The following PML variants were observed in gnomAD, a reference collection of about 807,000 sequenced individuals.
PML encodes PML nuclear body scaffold, also known as protein PML.
PML carries 28 observed loss-of-function variants against 65.2 expected under a neutral mutation model. The observed-to-expected ratio is 0.43, with a 90% CI of 0.32 to 0.59. The LOEUF is 0.59. Ranked by LOEUF, PML falls within the 20% of genes least tolerant of loss-of-function variation. The pLI, the probability that PML is intolerant of heterozygous loss-of-function variation, is 0.08. For synonymous variants in PML, 500 were observed against 508.8 expected (o/e 0.98, Z 0.23); for missense variants, 1,021 against 1,203.4 (o/e 0.85, Z 2.24).
At chr15:74,020,069 C>G (rs2070765760) in intron 2 of PML, among the ~76,000 whole-genome samples, 1 of 152,218 alleles carries the variant, frequency 6.6e-6, no homozygotes. Context: ...GGGTTAAATG[C>G]ATTTGTAATT....
Position 74,023,060 on chromosome 15 carries a change from A to T in PML, c.835A>T (p.Ile279Phe). Reference protein sequence around the residue: ...GRARAETEELIRERVRQVVAH... With the variant: ...GRARAETEELFRERVRQVVAH... ...CGCGCGTGCCGAGACCGAGGAGCTG[A>T]TCCGCGAGCGCGTGCGCCAGGTGGT... The change falls in exon 3 of 9, where the codon ATC becomes TTC. Residue 279 changes from isoleucine to phenylalanine, a missense_variant. Coordinates refer to ENST00000268058, the MANE Select transcript of PML (RefSeq NM_033238.3). The T allele has an allele frequency of 1.0e-5, 16 of 1,603,436 alleles. No homozygotes were observed. Among genetic ancestry groups the T allele is most frequent in the Non-Finnish European group, 1.4e-5 (16 of 1,178,432 alleles).
At chr15:74,038,556 G>C (rs912820575) in intron 7 of PML, among the ~76,000 whole-genome samples, 2 of 151,938 alleles carry the variant, frequency 1.3e-5, no homozygotes, top group African/African-American at 4.8e-5. Flanking sequence ...CAACAAATTA[G>C]GTCCCCCCTA....
chr15:73,999,696 T>A (rs1257187025), intron 2 of PML, among the ~76,000 whole-genome samples: 3 of 152,208 alleles, frequency 2.0e-5, no homozygotes, highest in African/African-American at 7.2e-5. Flanking sequence ...GAAAAAAATG[T>A]ATGCATTTCT....
At chr15:74,008,546 G>A (rs1311084295) in intron 2 of PML, among the ~76,000 whole-genome samples, 1 of 152,030 alleles carries the variant, frequency 6.6e-6, no homozygotes, top group African/African-American at 2.4e-5. Flanking sequence ...AGACCATCCT[G>A]GCTAACATGG....
rs186797922 is a variant in PML at position 74,045,226 on chromosome 15, C to T, written c.*218C>T. ...GAGCACCCATCACCCTAGGTGTGCACCAGACTCCTATTAGCCCCTCCTTCC... is the reference window on the plus strand; with the variant it reads ...GAGCACCCATCACCCTAGGTGTGCATCAGACTCCTATTAGCCCCTCCTTCC... On this transcript the variant is annotated 3_prime_UTR_variant, in exon 9 of 9. Coordinates refer to ENST00000268058, the MANE Select transcript of PML (RefSeq NM_033238.3). 13 of 566,792 alleles carry T rather than the reference C, an allele frequency of 2.3e-5. No homozygotes were observed. Among genetic ancestry groups the T allele is most frequent in the African/African-American group, 1.9e-5 (1 of 53,514 alleles). 35.1% of individuals were successfully genotyped at this position (566,792 alleles called of 1,614,324 possible).
chr15:74,019,606 A>G (rs899813387), intron 2 of PML, among the ~76,000 whole-genome samples: 2 of 152,194 alleles, frequency 1.3e-5, no homozygotes, highest in Non-Finnish European at 2.9e-5. Flanking sequence ...ACAATCAACT[A>G]TGAAGATATT....
At position 74,008,460 on chromosome 15, in the gene PML, C is replaced by T. The variant is rs114415341; in HGVS notation, c.602+9984C>T. On this transcript the variant is annotated intron_variant, in intron 2 of 8. Transcript: ENST00000268058. ...TCTGTTGAAAACCCATTGATGGGGC[C>T]GGGCGTGGTGGCTCACGCCTGTAAT... Among the ~76,000 whole-genome samples the T allele has an allele frequency of 9.5e-3, 1,450 of 152,264 alleles. 25 individuals carry two copies. The highest frequency in any genetic ancestry group is 0.033 in the African/African-American group (1,355 of 41,554).
At chr15:74,008,644 C>T (rs1268748251) in intron 2 of PML, among the ~76,000 whole-genome samples, 2 of 150,782 alleles carry the variant, frequency 1.3e-5, no homozygotes, top group Admixed American at 6.7e-5. Flanking sequence ...GAGGCTGAGG[C>T]GGGAGAATGG....
rs778208918 is a variant in PML at position 74,032,481 on chromosome 15, G to C, written c.1255-91G>C. 9.1e-4 allele frequency: 1,274 copies of C among 1,396,920 alleles called. 2 individuals carry two copies. The highest frequency in any genetic ancestry group is 3.5e-3 in the Middle Eastern group (17 of 4,790). 86.5% of individuals were successfully genotyped at this position (1,396,920 alleles called of 1,614,324 possible). A position where few individuals can be genotyped will look rare whatever the true frequency, so the allele number is the denominator to read the frequency against. On this transcript the variant is annotated intron_variant, in intron 4 of 8. Coordinates refer to ENST00000268058, the MANE Select transcript of PML (RefSeq NM_033238.3). ...GAGCCTGGACCTGTGACTTGGTGAG[G>C]CCCCAGGGATTAGGCCAACCACAGG...
intron 2 of PML, among the ~76,000 whole-genome samples, chr15:74,001,979 G>A (rs1355666836): frequency 6.7e-6 from 1 of 149,914 alleles, no homozygotes; most frequent in Non-Finnish European, 1.5e-5. Context: ...ACTCCAACCA[G>A]AGCATCAGAA....
intron 2 of PML, among the ~76,000 whole-genome samples, chr15:74,002,092 T>C (rs992118477): frequency 1.3e-5 from 2 of 152,176 alleles, no homozygotes; most frequent in African/African-American, 4.8e-5. Flanking sequence ...ATGTTTGGTT[T>C]CTTGTTCTGT....
Position 74,032,617 on chromosome 15 carries a change from C to T in PML, c.1300C>T (p.Leu434=). 1 of 1,614,174 alleles carries T rather than the reference C, an allele frequency of 6.2e-7. No homozygotes were observed. Among genetic ancestry groups the T allele is most frequent in the Non-Finnish European group, 8.5e-7 (1 of 1,179,972 alleles). Residue 434 remains leucine, a synonymous_variant, in exon 5 of 9, where the codon CTG becomes TTG. Transcript: ENST00000268058. Reference sequence around the variant, plus strand: ...GAAGGCCCAGGTTCAGGCCCTGGGGCTGGCTGAAGCCCAGCCTATGGCTGT... The same window carrying T: ...GAAGGCCCAGGTTCAGGCCCTGGGGTTGGCTGAAGCCCAGCCTATGGCTGT... The part of the protein sequence containing the change: ...RVKAQVQALG[L]AEAQPMAVVQ...
In PML at chr15:74,035,435, G is replaced by A. The variant is rs1461729028; in HGVS notation, c.1710+905G>A. On this transcript the variant is annotated intron_variant, in intron 7 of 8. Coordinates refer to ENST00000268058, the MANE Select transcript of PML (RefSeq NM_033238.3). The surrounding 1 kb of genome is among the most constrained non-coding windows in gnomAD (Gnocchi z 4.1). ...CCGTCCACCGTGGGATCCGCTACCT[G>A]TTGTACAGAGCACAGAGAGCCATCC... 1.4e-5 allele frequency: 23 copies of A among 1,612,330 alleles called. No homozygotes were observed. The East Asian group carries it at 4.9e-4, about 34-fold the overall frequency.
At position 74,047,520 on chromosome 15, in the gene PML, C is replaced by T. The variant is rs1338220000; in HGVS notation, c.*2512C>T. The T allele has an allele frequency of 9.1e-6, 2 of 220,176 alleles. No individual in the cohort carries two copies. The highest frequency in any genetic ancestry group is 4.5e-5 in the African/African-American group (2 of 44,594). The allele number at this position is 220,176 out of a possible 1,614,324, so 13.6% of individuals were successfully genotyped here. A position where few individuals can be genotyped will look rare whatever the true frequency, so the allele number is the denominator to read the frequency against. ...GACTATATCTCAGGTGTTTACGTGTCAACTAATGGGAGCTTACTGGGTTAG... is the reference window on the plus strand; with the variant it reads ...GACTATATCTCAGGTGTTTACGTGTTAACTAATGGGAGCTTACTGGGTTAG... On this transcript the variant is annotated 3_prime_UTR_variant, in exon 9 of 9. Coordinates refer to ENST00000268058, the MANE Select transcript of PML (RefSeq NM_033238.3).
Position 74,022,997 on chromosome 15 carries a change from C to T in PML, c.772C>T (p.His258Tyr). 6.2e-7 allele frequency: 1 copy of T among 1,609,686 alleles called. No individual in the cohort carries two copies. The highest frequency in any genetic ancestry group is 8.5e-7 in the Non-Finnish European group (1 of 1,178,950). The change falls in exon 3 of 9, where the codon CAC becomes TAC. Residue 258 changes from histidine to tyrosine, a missense_variant. By Grantham distance (83) the His-to-Tyr change is moderately conservative. Coordinates refer to ENST00000268058, the MANE Select transcript of PML (RefSeq NM_033238.3). ...QEQDSAFGAV[H>Y]AQMHAAVGQL... ...GCAGGATAGTGCCTTTGGCGCGGTTCACGCGCAGATGCACGCGGCCGTCGG... is the reference window on the plus strand; with the variant it reads ...GCAGGATAGTGCCTTTGGCGCGGTTTACGCGCAGATGCACGCGGCCGTCGG...
rs191731420 is a variant in PML, at chr15:74,015,674, C to T, written c.603-7154C>T. 3.3e-5 allele frequency among the ~76,000 whole-genome samples: 5 copies of T among 152,350 alleles called. 1 individual carries two copies. The East Asian group carries it at 9.6e-4, about 29-fold the overall frequency. On this transcript the variant is annotated intron_variant, in intron 2 of 8. Transcript: ENST00000268058. ...AGGTTCACCCAACAGCAGGGATGTC[C>T]TGTGCCATGTGTAATACCCCCTCTT...
intron 4 of PML, chr15:74,026,756 T>C (rs906890778): frequency 6.6e-6 from 1 of 152,142 alleles, no homozygotes; most frequent in Non-Finnish European, 1.5e-5. Flanking sequence ...GTTCAAGCGA[T>C]TCTCATGCCT....
intron 2 of PML, among the ~76,000 whole-genome samples, chr15:74,017,358 G>T (rs369671350): frequency 6.6e-6 from 1 of 152,092 alleles, no homozygotes; most frequent in Non-Finnish European, 1.5e-5. Context: ...CATCAGTTTG[G>T]GCTGCTGGCT....
At position 74,037,509 on chromosome 15, in the gene PML, A is replaced by T; in HGVS notation, c.1710+2979A>T. ...TTTCTCATCTCAGAAAACTCCACCC[A>T]CTTCTCTCTCCAGCTGTCGGCTCCC... On this transcript the variant is annotated intron_variant, in intron 7 of 8. Coordinates refer to ENST00000268058, the MANE Select transcript of PML (RefSeq NM_033238.3). This position sits in a 1 kb window ranked among gnomAD's most constrained non-coding sequence, Gnocchi z 4.2. 2.0e-6 allele frequency: 2 copies of T among 983,706 alleles called. No individual in the cohort carries two copies. Among genetic ancestry groups the T allele is most frequent in the Non-Finnish European group, 2.4e-6 (2 of 829,420 alleles). 60.9% of individuals were successfully genotyped at this position (983,706 alleles called of 1,614,324 possible).
Sources: gnomAD v4.1 joint callset for allele counts (sites outside exome capture counted in the v4.1 genomes callset) on GRCh38, gnomAD v4.1.1 for gene constraint, Gnocchi (gnomAD v3.1) non-coding constraint, MANE v1.5 for transcripts, NCBI Gene and HGNC (gene_info 2026-07-23, HGNC 2026-07-21) for gene names.